The following BTAF1 variants were observed in gnomAD, a reference collection of about 807,000 sequenced individuals.
BTAF1 encodes the protein TATA-binding protein-associated factor 172.
A neutral mutation model predicts 227.1 loss-of-function variants in BTAF1; 38 were observed. The ratio of observed to expected loss-of-function variants is 0.17; its 90% confidence interval spans 0.13 to 0.22. The LOEUF is 0.22. Among genes scored for constraint, BTAF1 ranks in the 10% least tolerant of loss-of-function variants. The pLI is 1.00. For missense variants in BTAF1, 1,598 were observed against 2,204.0 expected (o/e 0.73, Z 5.51); for synonymous variants, 742 against 751.9 (o/e 0.99, Z 0.21).
intron 12 of BTAF1, among the ~76,000 whole-genome samples, chr10:91,963,188 C>T (rs750088858): frequency 6.6e-6 from 1 of 151,970 alleles, no homozygotes; most frequent in East Asian, 2.0e-4. Flanking sequence ...GCCCCACTCT[C>T]CTGGGCTCAA....
Position 91,976,551 on chromosome 10 carries a change from T to C in BTAF1, c.1651-3903T>C, listed in dbSNP as rs969550207. Among the ~76,000 whole-genome samples the C allele has an allele frequency of 9.2e-5, 14 of 152,290 alleles. No individual in the cohort carries two copies. In the South Asian group the frequency reaches 2.3e-3, roughly 25 times the overall value. ...CACTTCGTTAGCACAAACTAGATTA[T>C]GGTTATGAATAATCCCTATCACTCA... On this transcript the variant is annotated intron_variant, in intron 14 of 37. Coordinates refer to ENST00000265990, the MANE Select transcript of BTAF1 (RefSeq NM_003972.3).
intron 34 of BTAF1, among the ~76,000 whole-genome samples, chr10:92,020,714 G>GGT (rs1851064661): frequency 6.6e-6 from 1 of 152,172 alleles, no homozygotes; most frequent in African/African-American, 2.4e-5. Context: ...AAACCTTGCT[G>GGT]TAGGTCTTTA....
intron 20 of BTAF1, among the ~76,000 whole-genome samples, chr10:91,990,158 C>T (rs957733245): frequency 2.6e-5 from 4 of 151,804 alleles, no homozygotes; most frequent in African/African-American, 7.3e-5. Context: ...TCATATGACT[C>T]AGTCCTATGT....
intron 2 of BTAF1, among the ~76,000 whole-genome samples, chr10:91,938,473 C>T (rs1285015712): frequency 6.6e-6 from 1 of 152,152 alleles, no homozygotes; most frequent in African/African-American, 2.4e-5. Flanking sequence ...CAACATCATT[C>T]TTTTACATGT....
chr10:91,953,766 A>G lies in BTAF1; in HGVS notation c.594A>G (p.Ser198=), dbSNP rs1299089248. 5 of 1,613,890 alleles carry G rather than the reference A, an allele frequency of 3.1e-6. No homozygotes were observed. In the African/African-American group the frequency reaches 4.0e-5, roughly 13 times the overall value. ...TTCAGGCAGCTGAATTGATTGACTC[A>G]GAGTTTCGAGCAGGAATGAGCAATA... ...PTLQAAELID[S]EFRAGMSNRQ... is the part of the protein sequence containing the mutation. Residue 198 remains serine, a synonymous_variant, in exon 6 of 38, where the codon TCA becomes TCG. Transcript: ENST00000265990.
intron 19 of BTAF1, 21 bp downstream of exon 19, chr10:91,984,425 CTTAA>C: frequency 6.4e-7 from 1 of 1,565,670 alleles, no homozygotes; most frequent in Non-Finnish European, 8.7e-7. Context: ...AAATAACTTT[CTTAA>C]TTAGAGATAG....
In BTAF1 at chr10:91,996,509, T is replaced by A. The variant is rs746046151; in HGVS notation, c.3450T>A (p.Leu1150=). 1 of 1,614,148 alleles carries A rather than the reference T, an allele frequency of 6.2e-7. No homozygotes were observed. The change falls in exon 24 of 38, where the codon CTT becomes CTA. Residue 1150 remains leucine, a synonymous_variant. Transcript: ENST00000265990. ...TGAATATTTTTTTGGAGAAGGTTCT[T>A]CCGTGGCTGGGAGCAATTGATGACA... ...ETMNIFLEKV[L]PWLGAIDDSV... is the part of the protein sequence containing the mutation.
At position 92,008,111 on chromosome 10, in the gene BTAF1, A is replaced by AAATC; in HGVS notation, c.3661-10_3661-7dup. Reference sequence around the variant, plus strand: ...TACGTAGTTTTTAATAACTTTAAAAAAATCATTTTAGGCAGGCATTCCAGA... The same window carrying AAATC: ...TACGTAGTTTTTAATAACTTTAAAAAAATCAATCATTTTAGGCAGGCATTCCAGA... On this transcript the variant is annotated splice_polypyrimidine_tract_variant and intron_variant, in intron 25 of 37. Transcript: ENST00000265990. 6.4e-7 allele frequency: 1 copy of AAATC among 1,567,650 alleles called. No homozygotes were observed. The highest frequency in any genetic ancestry group is 1.2e-5 in the South Asian group (1 of 81,740).
Position 91,951,393 on chromosome 10 carries a change from C to G in BTAF1, c.401-10C>G, listed in dbSNP as rs1845755483. On this transcript the variant is annotated splice_polypyrimidine_tract_variant and intron_variant, in intron 4 of 37. Transcript: ENST00000265990. ...GATTTGGAGAAAACGTATTTCTTTTCTGTTGAAAGGTGAAGTGGATCCTAA... is the reference window on the plus strand; with the variant it reads ...GATTTGGAGAAAACGTATTTCTTTTGTGTTGAAAGGTGAAGTGGATCCTAA... The G allele has an allele frequency of 6.2e-7, 1 of 1,601,342 alleles. No homozygotes were observed. The highest frequency in any genetic ancestry group is 8.5e-7 in the Non-Finnish European group (1 of 1,176,520).
chr10:91,963,497 A>AG (rs1255447459), intron 12 of BTAF1, among the ~76,000 whole-genome samples: 1 of 152,038 alleles, frequency 6.6e-6, no homozygotes, highest in African/African-American at 2.4e-5. Context: ...CAAACTCCTA[A>AG]GCTCAAGAGA....
At chr10:92,019,669 G>T (rs1251132008) in intron 34 of BTAF1, among the ~76,000 whole-genome samples, 2 of 152,092 alleles carry the variant, frequency 1.3e-5, no homozygotes, top group Non-Finnish European at 2.9e-5. Context: ...GCCAACACTT[G>T]TTGATTTCTT....
chr10:91,939,858 A>T, intron 2 of BTAF1, 94 bp from the exon 3 acceptor site: 1 of 686,142 alleles, frequency 1.5e-6, no homozygotes, highest in Non-Finnish European at 2.4e-6. Context: ...GCCAAATTAC[A>T]CATTAATAAC....
intron 6 of BTAF1, 76 bp from the exon 7 acceptor site, chr10:91,956,452 A>G (rs1291576871): frequency 2.2e-5 from 31 of 1,412,002 alleles, no homozygotes; most frequent in Non-Finnish European, 2.7e-5. Flanking sequence ...GATTCACATT[A>G]TCTTTTATTC....
At chr10:91,948,147 A>G (rs1448462305) in intron 4 of BTAF1, among the ~76,000 whole-genome samples, 1 of 151,672 alleles carries the variant, frequency 6.6e-6, no homozygotes, top group Non-Finnish European at 1.5e-5. Context: ...TCCTAATGCT[A>G]TCCCTCCCCC....
At chr10:91,942,640 T>TC in intron 4 of BTAF1, 72 bp downstream of exon 4, 1 of 1,503,144 alleles carries the variant, frequency 6.7e-7, no homozygotes, top group African/African-American at 1.4e-5. Context: ...GGTATGCTGT[T>TC]CATTAGTCAC....
chr10:91,994,516 A>G lies in BTAF1; in HGVS notation c.3200-19A>G, dbSNP rs1849007900. ...TGAAAAATTATTTGCCAGATAATAC[A>G]GACAATATATTTTAACAGATGGAAA... On this transcript the variant is annotated intron_variant, in intron 22 of 37. Coordinates refer to ENST00000265990, the MANE Select transcript of BTAF1 (RefSeq NM_003972.3). 1 of 1,561,930 alleles carries G rather than the reference A, an allele frequency of 6.4e-7. No individual in the cohort carries two copies.
Position 92,016,308 on chromosome 10 carries a change from T to C in BTAF1, c.4585-32T>C, listed in dbSNP as rs768966921. ...TTTGAACAATTGAAAATAAATATACTTAAAGCTTCTCCCACGGGGGCCATT... is the reference window on the plus strand; with the variant it reads ...TTTGAACAATTGAAAATAAATATACCTAAAGCTTCTCCCACGGGGGCCATT... On this transcript the variant is annotated intron_variant, in intron 32 of 37. Coordinates refer to ENST00000265990, the MANE Select transcript of BTAF1 (RefSeq NM_003972.3). 15 of 1,576,106 alleles carry C rather than the reference T, an allele frequency of 9.5e-6. No homozygotes were observed. The African/African-American group carries it at 2.1e-4, about 22-fold the overall frequency.
At chr10:92,007,274 C>T (rs1217745210) in intron 25 of BTAF1, among the ~76,000 whole-genome samples, 1 of 135,602 alleles carries the variant, frequency 7.4e-6, no homozygotes, top group African/African-American at 2.8e-5. Context: ...GCTGGAGTGC[C>T]GTGGCACAAT....
Position 91,984,100 on chromosome 10 carries a change from C to T in BTAF1, c.2224-101C>T, listed in dbSNP as rs1406654669. 4 of 992,188 alleles carry T rather than the reference C, an allele frequency of 4.0e-6. No homozygotes were observed. In the East Asian group the frequency reaches 1.0e-4, roughly 26 times the overall value. 61.5% of individuals were successfully genotyped at this position (992,188 alleles called of 1,614,324 possible). A position where few individuals can be genotyped will look rare whatever the true frequency, so the allele number is the denominator to read the frequency against. On this transcript the variant is annotated intron_variant, in intron 18 of 37. Coordinates refer to ENST00000265990, the MANE Select transcript of BTAF1 (RefSeq NM_003972.3). Reference sequence around the variant, plus strand: ...GAAGTAACAGAATATAGATTCAGTACAAGTAAGAATTTAGAACTTGGTAGT... The same window carrying T: ...GAAGTAACAGAATATAGATTCAGTATAAGTAAGAATTTAGAACTTGGTAGT...
Sources: allele counts gnomAD v4.1 joint callset (sites outside exome capture counted in the v4.1 genomes callset), GRCh38; gene constraint gnomAD v4.1.1; transcripts MANE v1.5; gene names NCBI Gene and HGNC (gene_info 2026-07-23, HGNC 2026-07-21).